The following ZNF277 variants were observed in gnomAD, a reference collection of about 807,000 sequenced individuals.
The protein encoded by ZNF277 is nuclear receptor-interacting factor 4.
Under a neutral mutation model 60.7 loss-of-function variants are expected in ZNF277, and 55 were observed. That is an observed-to-expected ratio of 0.91 (90% CI 0.73 to 1.13). ZNF277 has a LOEUF of 1.13. ZNF277 is among the 50% of genes most tolerant of loss of function. The pLI is 0.00. For synonymous variants in ZNF277, 178 were observed against 179.3 expected (o/e 0.99, Z 0.06); for missense variants, 510 against 523.0 (o/e 0.98, Z 0.24).
At chr7:112,282,038 G>A (rs1203984669) in intron 1 of ZNF277, among the ~76,000 whole-genome samples, 3 of 152,074 alleles carry the variant, frequency 2.0e-5, no homozygotes, top group Admixed American at 2.0e-4. Flanking sequence ...TCACCGTGTT[G>A]GCCAGGGTGG....
chr7:112,269,512 G>A (rs1791622993), intron 1 of ZNF277, among the ~76,000 whole-genome samples: 1 of 152,100 alleles, frequency 6.6e-6, no homozygotes, highest in Admixed American at 6.5e-5. Flanking sequence ...GAGGTACAAA[G>A]CCTCATTGTT....
intron 1 of ZNF277, among the ~76,000 whole-genome samples, chr7:112,252,585 A>T (rs193263907): frequency 6.6e-6 from 1 of 152,174 alleles, no homozygotes; most frequent in African/African-American, 2.4e-5. Context: ...AAGGAATTCT[A>T]CTGGGTAGAA....
At chr7:112,318,487 G>A (rs1792895484) in intron 5 of ZNF277, among the ~76,000 whole-genome samples, 1 of 152,060 alleles carries the variant, frequency 6.6e-6, no homozygotes, top group Admixed American at 6.6e-5. Context: ...GACAGAAGCA[G>A]ATTTATGTTT....
At chr7:112,244,034 G>T (rs1791022794) in intron 1 of ZNF277, among the ~76,000 whole-genome samples, 1 of 152,026 alleles carries the variant, frequency 6.6e-6, no homozygotes, top group African/African-American at 2.4e-5. Context: ...TATCTTAACT[G>T]AAATAACTCA....
chr7:112,261,821 T>G (rs1176472637), intron 1 of ZNF277, among the ~76,000 whole-genome samples: 1 of 152,184 alleles, frequency 6.6e-6, no homozygotes, highest in East Asian at 1.9e-4. Flanking sequence ...GAATATTCTA[T>G]AATAGAAAAC....
At chr7:112,299,410 CA>C (rs1222868251) in intron 4 of ZNF277, among the ~76,000 whole-genome samples, 1 of 152,138 alleles carries the variant, frequency 6.6e-6, no homozygotes, top group African/African-American at 2.4e-5. Flanking sequence ...AGTACTTCTT[CA>C]GCTGCTTTTA....
At chr7:112,325,424 G>A (rs528355233) in intron 5 of ZNF277, among the ~76,000 whole-genome samples, 3 of 152,290 alleles carry the variant, frequency 2.0e-5, no homozygotes, top group Non-Finnish European at 4.4e-5. Flanking sequence ...TGGCAAACCT[G>A]GCTCAATTTT....
chr7:112,284,344 A>G (rs1218870256), intron 1 of ZNF277, among the ~76,000 whole-genome samples: 1 of 152,204 alleles, frequency 6.6e-6, no homozygotes, highest in Non-Finnish European at 1.5e-5. Context: ...GTTATTTCCT[A>G]CATGGCAGGT....
rs1790864210 is a variant in ZNF277, at chr7:112,238,600, C to CGG, written c.91+31793_91+31794insGG. Among the ~76,000 whole-genome samples the CGG allele has an allele frequency of 4.0e-5, 6 of 150,850 alleles. No individual in the cohort carries two copies. The South Asian group carries it at 1.3e-3, about 32-fold the overall frequency. ...GTGGCCAGGGAGGTGTTCGCGTCAC[C>CGG]CCACCCCAACCCTATGCATCACAGT... On this transcript the variant is annotated intron_variant, in intron 1 of 11. Transcript: ENST00000361822.
chr7:112,233,841 A>G (rs1325457822), intron 1 of ZNF277, among the ~76,000 whole-genome samples: 1 of 152,102 alleles, frequency 6.6e-6, no homozygotes, highest in African/African-American at 2.4e-5. Flanking sequence ...TTCTAGTTGT[A>G]TTCTTTTCAA....
In ZNF277 at chr7:112,299,880, A is replaced by C. The variant is rs143882201; in HGVS notation, c.465+3569A>C. On this transcript the variant is annotated intron_variant, in intron 4 of 11. Coordinates refer to ENST00000361822, the MANE Select transcript of ZNF277 (RefSeq NM_021994.3). ...TTGATTTGCATTAACGATGATTTGC[A>C]TATGTATTATTCTTAAATATTTATT... Among the ~76,000 whole-genome samples the C allele has an allele frequency of 4.7e-4, 71 of 152,314 alleles. 3 individuals are homozygous for C. The East Asian group carries it at 0.012, about 26-fold the overall frequency.
At chr7:112,299,870 G>A (rs1219821997) in intron 4 of ZNF277, among the ~76,000 whole-genome samples, 2 of 152,120 alleles carry the variant, frequency 1.3e-5, no homozygotes, top group Non-Finnish European at 2.9e-5. Flanking sequence ...TTGCATTAAC[G>A]ATGATTTGCA....
chr7:112,304,844 A>T (rs150497708), intron 4 of ZNF277, among the ~76,000 whole-genome samples: 79 of 152,312 alleles, frequency 5.2e-4, no homozygotes, highest in African/African-American at 1.8e-3. Context: ...TATTCACATC[A>T]TGTAACTAGT....
intron 1 of ZNF277, among the ~76,000 whole-genome samples, chr7:112,219,935 C>G (rs1490711627): frequency 6.6e-6 from 1 of 152,238 alleles, no homozygotes; most frequent in East Asian, 1.9e-4. Flanking sequence ...CCAAACCCAG[C>G]TGCTATGCTG....
chr7:112,269,926 G>T (rs547044538), intron 1 of ZNF277, among the ~76,000 whole-genome samples: 170 of 152,072 alleles, frequency 1.1e-3, no homozygotes, highest in African/African-American at 3.9e-3. Flanking sequence ...TATTTGTGTT[G>T]CTGAAAAACT....
intron 3 of ZNF277, 102 bp downstream of exon 3, chr7:112,296,059 T>C: frequency 2.8e-6 from 3 of 1,083,348 alleles, no homozygotes; most frequent in South Asian, 1.4e-5. Flanking sequence ...TCATGATAGA[T>C]AAAATTAAAT....
intron 7 of ZNF277, among the ~76,000 whole-genome samples, chr7:112,334,167 G>A (rs1769345595): frequency 6.6e-6 from 1 of 152,120 alleles, no homozygotes; most frequent in Non-Finnish European, 1.5e-5. Flanking sequence ...GGAGTTTTGT[G>A]TAAGCACATG....
At chr7:112,286,841 C>CTTTTTATTTTTTTTTTTTTTTTTTTTTTT in intron 1 of ZNF277, 32 bp from the exon 2 acceptor site, 1 of 947,882 alleles carries the variant, frequency 1.1e-6, no homozygotes, top group Admixed American at 4.1e-5. Flanking sequence ...TTCTTTCTTT[C>CTTTTTATTTTTTTTTTTTTTTTTTTTTTT]TTTTTTTTTT....
chr7:112,307,530 T>A (rs1049100268), intron 4 of ZNF277, among the ~76,000 whole-genome samples: 18 of 152,092 alleles, frequency 1.2e-4, no homozygotes, highest in Admixed American at 6.5e-5. Flanking sequence ...TTCTCCCTCC[T>A]TAGCCTACTG....
Sources: allele counts gnomAD v4.1 joint callset (sites outside exome capture counted in the v4.1 genomes callset), GRCh38; gene constraint gnomAD v4.1.1; transcripts MANE v1.5; gene names NCBI Gene and HGNC (gene_info 2026-07-23, HGNC 2026-07-21).